The following OLFM3 variants were observed in gnomAD, a reference collection of about 807,000 sequenced individuals.
OLFM3 encodes noelin-3.
Under a neutral mutation model 48.6 loss-of-function variants are expected in OLFM3, and 20 were observed. The observed-to-expected ratio is 0.41, with a 90% confidence interval of 0.29 to 0.60. The LOEUF is 0.60. Ranked by LOEUF, OLFM3 falls within the 20% of genes least tolerant of loss-of-function variation. OLFM3 has a pLI of 0.28. For missense variants in OLFM3, 437 were observed against 544.3 expected, an observed-to-expected ratio of 0.80 and a Z score of 1.96; for synonymous variants, 222 against 198.1, an observed-to-expected ratio of 1.12 and a Z score of -1.01.
intron 3 of OLFM3, among the ~76,000 whole-genome samples, chr1:101,830,075 T>C (rs1385278972): frequency 6.6e-6 from 1 of 152,072 alleles, no homozygotes; most frequent in African/African-American, 2.4e-5. Context: ...CCTGACCTTG[T>C]GATCTGCCCA....
intron 3 of OLFM3, among the ~76,000 whole-genome samples, chr1:101,827,169 T>G (rs1654901512): frequency 2.0e-5 from 3 of 152,240 alleles, no homozygotes; most frequent in Non-Finnish European, 4.4e-5. Context: ...ATCCAAGTTC[T>G]TAGCTAGAGT....
intron 1 of OLFM3, among the ~76,000 whole-genome samples, chr1:101,974,537 T>C (rs1348256489): frequency 6.6e-6 from 1 of 152,172 alleles, no homozygotes; most frequent in Middle Eastern, 3.2e-3. Context: ...TAATTTTATG[T>C]CACTGTGAAG....
At chr1:101,831,768 T>C (rs560039228) in intron 2 of OLFM3, among the ~76,000 whole-genome samples, 3 of 152,346 alleles carry the variant, frequency 2.0e-5, no homozygotes, top group South Asian at 2.1e-4. Context: ...AATCAAAATA[T>C]ACATTTATCA....
intron 1 of OLFM3, among the ~76,000 whole-genome samples, chr1:101,838,339 A>G (rs1264077356): frequency 6.6e-6 from 1 of 151,796 alleles, no homozygotes; most frequent in Non-Finnish European, 1.5e-5. Flanking sequence ...GATAACAGGC[A>G]TGAACCACTG....
At chr1:101,866,629 A>G (rs1437737523) in intron 1 of OLFM3, among the ~76,000 whole-genome samples, 2 of 152,194 alleles carry the variant, frequency 1.3e-5, no homozygotes, top group Non-Finnish European at 2.9e-5. Context: ...ATAGTACTTA[A>G]TATAAACACG....
In OLFM3 at chr1:101,875,128, T is replaced by C. The variant is rs1354959870; in HGVS notation, c.70-38103A>G. On this transcript the variant is annotated intron_variant, in intron 1 of 5. Coordinates refer to ENST00000370103, the MANE Select transcript of OLFM3 (RefSeq NM_058170.4). Reference sequence around the variant, plus strand: ...CTGTTAATGAAGAAAAATTAAATGATTCTGTATAAACAGAATTTTAAAATA... The same window carrying C: ...CTGTTAATGAAGAAAAATTAAATGACTCTGTATAAACAGAATTTTAAAATA... Among the ~76,000 whole-genome samples the C allele has an allele frequency of 2.6e-5, 4 of 152,008 alleles. No individual in the cohort carries two copies. In the East Asian group the frequency reaches 7.7e-4, roughly 29 times the overall value.
At chr1:101,915,812 T>C (rs1174243889) in intron 1 of OLFM3, among the ~76,000 whole-genome samples, 1 of 152,136 alleles carries the variant, frequency 6.6e-6, no homozygotes, top group East Asian at 1.9e-4. Flanking sequence ...CATTGTAATA[T>C]CCTTAGTAAG....
At chr1:101,852,457 C>T (rs949257970) in intron 1 of OLFM3, among the ~76,000 whole-genome samples, 7 of 151,972 alleles carry the variant, frequency 4.6e-5, no homozygotes, top group African/African-American at 1.7e-4. Context: ...ATGCCACACT[C>T]ACTAGTCTTC....
At chr1:101,946,871 A>C (rs1233976450) in intron 1 of OLFM3, among the ~76,000 whole-genome samples, 1 of 152,220 alleles carries the variant, frequency 6.6e-6, no homozygotes, top group Admixed American at 6.5e-5. Context: ...GAACAAGTGA[A>C]GCATAAATAC....
At chr1:101,985,630 C>T (rs1021122710) in intron 1 of OLFM3, among the ~76,000 whole-genome samples, 8 of 152,248 alleles carry the variant, frequency 5.3e-5, no homozygotes, top group African/African-American at 1.9e-4. Context: ...TTAGCCATCT[C>T]TTTTGCTTTA....
At chr1:101,921,173 A>G (rs1382152175) in intron 1 of OLFM3, among the ~76,000 whole-genome samples, 1 of 150,392 alleles carries the variant, frequency 6.6e-6, no homozygotes, top group Non-Finnish European at 1.5e-5. Flanking sequence ...TTAAATTATT[A>G]GATAGTTGAC....
At chr1:101,887,146 C>T (rs762958871) in intron 1 of OLFM3, among the ~76,000 whole-genome samples, 13 of 151,054 alleles carry the variant, frequency 8.6e-5, no homozygotes, top group Non-Finnish European at 1.6e-4. Context: ...ATTTGTATAA[C>T]CTCCTGGTGA....
intron 1 of OLFM3, among the ~76,000 whole-genome samples, chr1:101,850,109 A>C (rs1306446155): frequency 6.6e-6 from 1 of 151,034 alleles, no homozygotes; most frequent in African/African-American, 2.5e-5. Flanking sequence ...TAAACTATAA[A>C]CTTAATTACT....
chr1:101,811,864 C>T lies in OLFM3; in HGVS notation c.593-5682G>A, dbSNP rs537576892. Among the ~76,000 whole-genome samples the T allele has an allele frequency of 4.6e-5, 7 of 152,212 alleles. No individual in the cohort carries two copies. In the East Asian group the frequency reaches 1.4e-3, roughly 29 times the overall value. On this transcript the variant is annotated intron_variant, in intron 4 of 5. Transcript: ENST00000370103. ...TATACCCAAAGGATTATAAATCATG[C>T]TGCTATAAAGACACATGCACACGTA...
intron 1 of OLFM3, among the ~76,000 whole-genome samples, chr1:101,994,582 G>A (rs1036961473): frequency 1.3e-5 from 2 of 148,282 alleles, no homozygotes; most frequent in Non-Finnish European, 1.5e-5. Context: ...TTGGGGGGGA[G>A]CAATATAAAT....
intron 1 of OLFM3, among the ~76,000 whole-genome samples, chr1:101,847,361 A>G (rs1307402708): frequency 7.5e-6 from 1 of 133,186 alleles, no homozygotes; most frequent in South Asian, 2.2e-4. Context: ...ATCTTTCATT[A>G]AAAAAAAAAA....
chr1:101,969,769 T>C (rs1290545110), intron 1 of OLFM3, among the ~76,000 whole-genome samples: 1 of 152,104 alleles, frequency 6.6e-6, no homozygotes, highest in Non-Finnish European at 1.5e-5. Context: ...CTAAGATGTG[T>C]CCGTGTCTAT....
chr1:101,942,544 A>G (rs904168773), intron 1 of OLFM3, among the ~76,000 whole-genome samples: 7 of 152,136 alleles, frequency 4.6e-5, no homozygotes, highest in African/African-American at 1.7e-4. Flanking sequence ...GTATTTCTCT[A>G]TTCCTGTAGC....
intron 1 of OLFM3, among the ~76,000 whole-genome samples, chr1:101,858,721 G>A (rs923238341): frequency 6.6e-6 from 1 of 151,966 alleles, no homozygotes; most frequent in African/African-American, 2.4e-5. Flanking sequence ...TCCTGTGCCA[G>A]CCATGTAAGA....
Sources: gnomAD v4.1 joint callset for allele counts (sites outside exome capture counted in the v4.1 genomes callset) on GRCh38, gnomAD v4.1.1 for gene constraint, MANE v1.5 for transcripts, NCBI Gene and HGNC (gene_info 2026-07-23, HGNC 2026-07-21) for gene names.